The following MAP3K1 variants were observed in gnomAD, a reference collection of about 807,000 sequenced individuals.
The protein encoded by MAP3K1 is mitogen-activated protein kinase kinase kinase 1, also known as MAP/ERK kinase kinase 1.
MAP3K1 carries 36 observed loss-of-function variants against 144.2 expected under a neutral mutation model. The observed-to-expected ratio is 0.25, with a 90% confidence interval of 0.19 to 0.33. The LOEUF is 0.33. MAP3K1 is among the 10% of genes least tolerant of loss of function. The pLI is 1.00. For synonymous variants in MAP3K1, 718 were observed against 688.7 expected (o/e 1.04, Z -0.67); for missense variants, 1,650 against 1,881.9 (o/e 0.88, Z 2.28).
Position 56,881,073 on chromosome 5 carries a change from C to A in MAP3K1, c.2180-10C>A. 2 of 1,601,840 alleles carry A rather than the reference C, an allele frequency of 1.2e-6. No homozygotes were observed. The highest frequency in any genetic ancestry group is 1.7e-6 in the Non-Finnish European group (2 of 1,170,460). On this transcript the variant is annotated splice_polypyrimidine_tract_variant and intron_variant, in intron 12 of 19. Coordinates refer to ENST00000399503, the MANE Select transcript of MAP3K1 (RefSeq NM_005921.2). The stretch of plus-strand genomic sequence containing the variant: ...TTTTTAATCATTTATTTTTACTTTC[C>A]TTTTTGTAGGATCCATTGGTATTGG...
rs770064496 is a variant in MAP3K1 at position 56,844,390 on chromosome 5, A to G, written c.483-12210A>G. 1.0e-3 allele frequency among the ~76,000 whole-genome samples: 153 copies of G among 151,952 alleles called. 1 individual carries two copies. The highest frequency in any genetic ancestry group is 2.8e-4 in the Non-Finnish European group (19 of 67,932). On this transcript the variant is annotated intron_variant, in intron 1 of 19. Coordinates refer to ENST00000399503, the MANE Select transcript of MAP3K1 (RefSeq NM_005921.2). The stretch of plus-strand genomic sequence containing the variant: ...GAGACGGGGTTTCACCGTGTTAGCC[A>G]GGATGGTCTCGATCTCCTGACCTCG...
At chr5:56,821,472 A>G (rs984748205) in intron 1 of MAP3K1, among the ~76,000 whole-genome samples, 2 of 152,250 alleles carry the variant, frequency 1.3e-5, no homozygotes, top group African/African-American at 4.8e-5. Context: ...ACTTGTAAGC[A>G]TAATGATGGA....
At chr5:56,854,432 CA>C (rs10647091) in intron 1 of MAP3K1, among the ~76,000 whole-genome samples, 22 of 85,290 alleles carry the variant, frequency 2.6e-4, no homozygotes, top group Admixed American at 4.3e-4. Flanking sequence ...AACTCCATCT[CA>C]AAAAAAAAAA....
Position 56,883,691 on chromosome 5 carries a change from G to C in MAP3K1, c.3819+12G>C. ...TGGCTGTTAAACAGGTAAATATCTAGTGAGCATATAAATGAAATGACTCAA... is the reference window on the plus strand; with the variant it reads ...TGGCTGTTAAACAGGTAAATATCTACTGAGCATATAAATGAAATGACTCAA... On this transcript the variant is annotated intron_variant, in intron 15 of 19. Coordinates refer to ENST00000399503, the MANE Select transcript of MAP3K1 (RefSeq NM_005921.2). The C allele has an allele frequency of 1.2e-6, 2 of 1,613,566 alleles. No individual in the cohort carries two copies. The highest frequency in any genetic ancestry group is 1.7e-6 in the Non-Finnish European group (2 of 1,179,566).
At chr5:56,856,312 G>C (rs1264831165) in intron 1 of MAP3K1, among the ~76,000 whole-genome samples, 2 of 152,126 alleles carry the variant, frequency 1.3e-5, no homozygotes, top group Admixed American at 6.5e-5. Flanking sequence ...TATTTGGGTG[G>C]TAGAATTAAA....
chr5:56,857,613 A>G (rs892669408), intron 2 of MAP3K1, among the ~76,000 whole-genome samples: 7 of 152,182 alleles, frequency 4.6e-5, no homozygotes, highest in African/African-American at 1.7e-4. Flanking sequence ...TTACATTTAA[A>G]TTAATTAGAT....
At chr5:56,872,167 A>G (rs538741588) in intron 7 of MAP3K1, 136 bp downstream of exon 7, 6 of 1,144,892 alleles carry the variant, frequency 5.2e-6, no homozygotes, top group South Asian at 2.6e-5. Flanking sequence ...CCTAAGTCCT[A>G]TGTGAAAAGT....
intron 9 of MAP3K1, 54 bp from the exon 10 acceptor site, chr5:56,874,978 T>G: frequency 6.3e-7 from 1 of 1,583,588 alleles, no homozygotes; most frequent in African/African-American, 1.3e-5. Context: ...CTCAAAATGC[T>G]CTGGGTCCAT....
intron 1 of MAP3K1, among the ~76,000 whole-genome samples, chr5:56,846,592 T>A (rs1322152963): frequency 6.6e-6 from 1 of 152,246 alleles, no homozygotes; most frequent in East Asian, 1.9e-4. Flanking sequence ...TTATTTAAAA[T>A]CCCTACCAAT....
At chr5:56,871,470 C>T (rs1275758951) in intron 6 of MAP3K1, among the ~76,000 whole-genome samples, 1 of 152,110 alleles carries the variant, frequency 6.6e-6, no homozygotes, top group Non-Finnish European at 1.5e-5. Flanking sequence ...GTTCATACTG[C>T]CACCAGAAAT....
chr5:56,816,045 GC>G lies in MAP3K1; in HGVS notation c.477del (p.Ala160ProfsTer25). On this transcript the variant is annotated frameshift_variant, in exon 1 of 20. Transcript: ENST00000399503. LOFTEE classifies it high-confidence loss of function. ...CGCCGCCGAGCCGTCTCCTGCAGCG[GC>G]CCCCGCCGGGTGAGCAGCACGGCCG... ...APAAEPSPAA[A>X]PAGREMENKE... 3 of 1,216,076 alleles carry G rather than the reference GC, an allele frequency of 2.5e-6. No individual in the cohort carries two copies. Among genetic ancestry groups the G allele is most frequent in the East Asian group, 3.3e-5 (1 of 30,036 alleles). The allele number at this position is 1,216,076 out of a possible 1,614,324, so 75.3% of individuals were successfully genotyped here.
chr5:56,849,609 A>G (rs944961647), intron 1 of MAP3K1, among the ~76,000 whole-genome samples: 6 of 152,342 alleles, frequency 3.9e-5, no homozygotes, highest in African/African-American at 1.4e-4. Context: ...GTTGTATCAT[A>G]TAAAGATGGA....
At chr5:56,829,248 C>G (rs1746413709) in intron 1 of MAP3K1, among the ~76,000 whole-genome samples, 1 of 151,404 alleles carries the variant, frequency 6.6e-6, no homozygotes, top group African/African-American at 2.4e-5. Flanking sequence ...GTGACATGAT[C>G]ATGACTCACT....
chr5:56,839,561 G>A (rs976646585), intron 1 of MAP3K1, among the ~76,000 whole-genome samples: 4 of 152,160 alleles, frequency 2.6e-5, no homozygotes, highest in Non-Finnish European at 5.9e-5. Flanking sequence ...CTTCAATAAT[G>A]TCATTTAGTT....
chr5:56,816,081 CG>C, intron 1 of MAP3K1, 26 bp downstream of exon 1: 1 of 1,206,880 alleles, frequency 8.3e-7, no homozygotes, highest in Non-Finnish European at 1.0e-6. Flanking sequence ...GGGGTCGCGG[CG>C]GGGACTTGGA....
chr5:56,818,312 A>C (rs1468353890), intron 1 of MAP3K1, among the ~76,000 whole-genome samples: 4 of 152,166 alleles, frequency 2.6e-5, no homozygotes, highest in Non-Finnish European at 4.4e-5. Context: ...AGGAAAAAAA[A>C]CCCTTAATTA....
At position 56,830,291 on chromosome 5, in the gene MAP3K1, GAC is replaced by G. The variant is rs532925751; in HGVS notation, c.482+14238_482+14239del. Among the ~76,000 whole-genome samples, 136 of 152,264 alleles carry G rather than the reference GAC, an allele frequency of 8.9e-4. 6 individuals carry two copies. In the South Asian group the frequency reaches 0.028, roughly 31 times the overall value. On this transcript the variant is annotated intron_variant, in intron 1 of 19. Transcript: ENST00000399503. ...TTTAATTACTAAAAACAAATTAGTAGACATTTCTTATCTGAGTAGAAGATACT... is the reference window on the plus strand; with the variant it reads ...TTTAATTACTAAAAACAAATTAGTAGATTTCTTATCTGAGTAGAAGATACT...
rs1401022855 is a variant in MAP3K1, at chr5:56,887,818, T to A, written c.4257+298T>A. ...ACTCAAAGTGCACATAAGAAATTTTTAAAAATATTCTCTCTCTATTCTAAA... is the reference window on the plus strand; with the variant it reads ...ACTCAAAGTGCACATAAGAAATTTTAAAAAATATTCTCTCTCTATTCTAAA... On this transcript the variant is annotated intron_variant, in intron 18 of 19. Transcript: ENST00000399503. 2.7e-5 allele frequency: 12 copies of A among 447,664 alleles called. No homozygotes were observed. The Admixed American group carries it at 3.9e-4, about 15-fold the overall frequency. 27.7% of individuals were successfully genotyped at this position (447,664 alleles called of 1,614,324 possible).
In MAP3K1 at chr5:56,890,543, A is replaced by C. The variant is rs570933488; in HGVS notation, c.4389+2186A>C. ...CAATATCTGCCAGAATTTTTAATGC[A>C]CTTATTCTTTGACTCAGCTATGCCC... On this transcript the variant is annotated intron_variant, in intron 19 of 19. Coordinates refer to ENST00000399503, the MANE Select transcript of MAP3K1 (RefSeq NM_005921.2). 4.6e-5 allele frequency among the ~76,000 whole-genome samples: 7 copies of C among 152,224 alleles called. No homozygotes were observed. The South Asian group carries it at 1.4e-3, about 32-fold the overall frequency.
Sources: allele counts gnomAD v4.1 joint callset (sites outside exome capture counted in the v4.1 genomes callset), GRCh38; gene constraint gnomAD v4.1.1; transcripts MANE v1.5; gene names NCBI Gene and HGNC (gene_info 2026-07-23, HGNC 2026-07-21).